Variants in PPM1H observed in about 807,000 individuals in gnomAD.
PPM1H encodes the protein protein phosphatase 1H.
A neutral mutation model predicts 54.9 loss-of-function variants in PPM1H; 27 were observed. That is an observed-to-expected ratio of 0.49 (90% CI 0.36 to 0.68). PPM1H has a LOEUF of 0.68. Among genes scored for constraint, PPM1H ranks in the 30% least tolerant of loss-of-function variants. PPM1H has a pLI of 0.00. For missense variants in PPM1H, 596 were observed against 667.8 expected (o/e 0.89, Z 1.19); for synonymous variants, 305 against 270.8 (o/e 1.13, Z -1.24).
At chr12:62,909,145 A>G (rs907769109) in intron 1 of PPM1H, among the ~76,000 whole-genome samples, 16 of 152,068 alleles carry the variant, frequency 1.1e-4, no homozygotes, top group African/African-American at 3.6e-4. Flanking sequence ...CAATCCTGTC[A>G]TCTTTCCTTT....
chr12:62,817,152 T>TAAAAAAAAAAAAA (rs2076873724), intron 2 of PPM1H, among the ~76,000 whole-genome samples: 2 of 63,144 alleles, frequency 3.2e-5, no homozygotes, highest in Non-Finnish European at 5.8e-5. Context: ...AAAAAAAAAC[T>TAAAAAAAAAAAAA]AAAAAAAAGA....
intron 1 of PPM1H, among the ~76,000 whole-genome samples, chr12:62,850,562 A>G (rs1371540172): frequency 2.0e-5 from 3 of 151,082 alleles, no homozygotes; most frequent in East Asian, 3.9e-4. Context: ...AAAGCAAAAA[A>G]ATCCCAAAAT....
chr12:62,652,247 C>G (rs1417493254), intron 9 of PPM1H, among the ~76,000 whole-genome samples: 1 of 152,164 alleles, frequency 6.6e-6, no homozygotes, highest in Admixed American at 6.5e-5. Context: ...GGGCCTCGCT[C>G]TGTCATCCAG....
At chr12:62,806,646 C>T (rs2076807462) in intron 2 of PPM1H, among the ~76,000 whole-genome samples, 1 of 152,134 alleles carries the variant, frequency 6.6e-6, no homozygotes, top group African/African-American at 2.4e-5. Flanking sequence ...AGCACCTCCC[C>T]CTTCACTCTC....
At chr12:62,687,242 G>C (rs2076058517) in intron 8 of PPM1H, among the ~76,000 whole-genome samples, 1 of 152,014 alleles carries the variant, frequency 6.6e-6, no homozygotes, top group African/African-American at 2.4e-5. Context: ...TCTGCTCATG[G>C]ACACCATAAA....
At chr12:62,859,214 C>A (rs1348112935) in intron 1 of PPM1H, among the ~76,000 whole-genome samples, 1 of 152,160 alleles carries the variant, frequency 6.6e-6, no homozygotes, top group African/African-American at 2.4e-5. Context: ...AGCATGCGAT[C>A]TTCAATTCTA....
At chr12:62,814,512 C>T (rs2076854113) in intron 2 of PPM1H, among the ~76,000 whole-genome samples, 2 of 152,152 alleles carry the variant, frequency 1.3e-5, no homozygotes, top group Non-Finnish European at 1.5e-5. Flanking sequence ...GCCACCACAC[C>T]CTGCCAAAAA....
rs550556140 is a variant in PPM1H at position 62,867,679 on chromosome 12, G to A, written c.246-35400C>T. Among the ~76,000 whole-genome samples the A allele has an allele frequency of 1.4e-4, 19 of 135,344 alleles. 1 individual carries two copies. In the South Asian group the frequency reaches 3.8e-3, roughly 27 times the overall value. 88.8% of individuals were successfully genotyped at this position (135,344 alleles called of 152,430 possible). On this transcript the variant is annotated intron_variant, in intron 1 of 9. Transcript: ENST00000228705. ...TGCAAGCTCCGCCTCCCGGATTCAC[G>A]CCATTCTCCTGCCTCAGCCTCCCAA...
chr12:62,686,945 T>C lies in PPM1H; in HGVS notation c.1245+2754A>G, dbSNP rs117336450. On this transcript the variant is annotated intron_variant, in intron 8 of 9. Coordinates refer to ENST00000228705, the MANE Select transcript of PPM1H (RefSeq NM_020700.2). Reference sequence around the variant, plus strand: ...GGGTCTAGGTGACTGTTTGTGCCCATAAAGGGTACTGAAGTGGACATATAA... The same window carrying C: ...GGGTCTAGGTGACTGTTTGTGCCCACAAAGGGTACTGAAGTGGACATATAA... Among the ~76,000 whole-genome samples, 1,116 of 152,272 alleles carry C rather than the reference T, an allele frequency of 7.3e-3. 13 individuals carry two copies. Among genetic ancestry groups the C allele is most frequent in the Non-Finnish European group, 9.6e-3 (655 of 68,020 alleles).
chr12:62,751,256 G>A (rs997243003), intron 4 of PPM1H, among the ~76,000 whole-genome samples: 1 of 152,082 alleles, frequency 6.6e-6, no homozygotes, highest in African/African-American at 2.4e-5. Context: ...TGTCTGATTC[G>A]GACCTCTTTA....
chr12:62,847,791 C>T (rs1026136701), intron 1 of PPM1H, among the ~76,000 whole-genome samples: 1 of 152,042 alleles, frequency 6.6e-6, no homozygotes, highest in African/African-American at 2.4e-5. Context: ...ATAACTATTA[C>T]TGAAGCTTAC....
intron 3 of PPM1H, among the ~76,000 whole-genome samples, chr12:62,790,885 G>T (rs1280915062): frequency 6.6e-6 from 1 of 152,140 alleles, no homozygotes; most frequent in Non-Finnish European, 1.5e-5. Context: ...TTTCTTAAAG[G>T]ACTGTCGTAA....
Position 62,802,098 on chromosome 12 carries a change from G to T in PPM1H, c.474C>A (p.Ala158=). 3.1e-6 allele frequency: 5 copies of T among 1,607,884 alleles called. No homozygotes were observed. In the South Asian group the frequency reaches 4.4e-5, roughly 14 times the overall value. Residue 158 remains alanine, a synonymous_variant, in exon 3 of 10, where the codon GCC becomes GCA. Coordinates refer to ENST00000228705, the MANE Select transcript of PPM1H (RefSeq NM_020700.2). ...SLFDGHAGSG[A]AVVASRLLQH... is the part of the protein sequence containing the mutation. Reference sequence around the variant, plus strand: ...GCAGCAGGCGTGACGCCACCACCGCGGCCCCGGACCCCGCGTGCCCGTCAA... The same window carrying T: ...GCAGCAGGCGTGACGCCACCACCGCTGCCCCGGACCCCGCGTGCCCGTCAA...
chr12:62,748,529 A>AACACACACACACACAC (rs3052402), intron 4 of PPM1H, among the ~76,000 whole-genome samples: 62 of 147,396 alleles, frequency 4.2e-4, no homozygotes, highest in African/African-American at 1.3e-3. Context: ...TTCAGTGTAG[A>AACACACACACACACAC]ACACACACAC....
Position 62,802,217 on chromosome 12 carries a change from C to A in PPM1H, c.412-57G>T, listed in dbSNP as rs1471046173. 7.2e-6 allele frequency: 10 copies of A among 1,396,262 alleles called. No individual in the cohort carries two copies. In the East Asian group the frequency reaches 2.0e-4, roughly 28 times the overall value. 86.5% of individuals were successfully genotyped at this position (1,396,262 alleles called of 1,614,324 possible). ...ACGGCTGTGGACTTTGCCTCAGGGT[C>A]ATACAGATTGTGGGACATCTATGGG... On this transcript the variant is annotated intron_variant, in intron 2 of 9. Transcript: ENST00000228705.
At position 62,832,293 on chromosome 12, in the gene PPM1H, C is replaced by T. The variant is rs1565803111; in HGVS notation, c.246-14G>A. ...GCATTGATAACCCTGGAGAAGAAGCCGGAAAAGCTGGTCAGACAGACCGAT... is the reference window on the plus strand; with the variant it reads ...GCATTGATAACCCTGGAGAAGAAGCTGGAAAAGCTGGTCAGACAGACCGAT... On this transcript the variant is annotated splice_polypyrimidine_tract_variant and intron_variant, in intron 1 of 9. Transcript: ENST00000228705. 1.3e-6 allele frequency: 2 copies of T among 1,599,618 alleles called. No individual in the cohort carries two copies. Among genetic ancestry groups the T allele is most frequent in the East Asian group, 2.2e-5 (1 of 44,476 alleles).
At chr12:62,686,407 A>G (rs2076052066) in intron 8 of PPM1H, among the ~76,000 whole-genome samples, 1 of 152,222 alleles carries the variant, frequency 6.6e-6, no homozygotes, top group African/African-American at 2.4e-5. Flanking sequence ...TTTGGAAAGT[A>G]GAAAGGTGAA....
At chr12:62,843,796 T>G (rs1024136437) in intron 1 of PPM1H, among the ~76,000 whole-genome samples, 1 of 152,214 alleles carries the variant, frequency 6.6e-6, no homozygotes, top group African/African-American at 2.4e-5. Flanking sequence ...TTTACCCTAG[T>G]GTTAATTAAC....
intron 1 of PPM1H, among the ~76,000 whole-genome samples, chr12:62,852,964 A>G (rs1351263139): frequency 6.6e-6 from 1 of 152,266 alleles, no homozygotes; most frequent in African/African-American, 2.4e-5. Context: ...TGGGCTAAAC[A>G]TCACAAGGAA....
Sources: allele counts gnomAD v4.1 joint callset (sites outside exome capture counted in the v4.1 genomes callset), GRCh38; gene constraint gnomAD v4.1.1; transcripts MANE v1.5; gene names NCBI Gene and HGNC (gene_info 2026-07-23, HGNC 2026-07-21).